METTL9: variants seen among roughly 807,000 people sequenced by gnomAD.
The protein encoded by METTL9 is protein-L-histidine N-pros-methyltransferase.
A neutral mutation model predicts 36.0 loss-of-function variants in METTL9; 10 were observed. The ratio of observed to expected loss-of-function variants is 0.28; its 90% CI spans 0.17 to 0.47. METTL9 has a LOEUF of 0.47. Among genes scored for constraint, METTL9 ranks in the 20% least tolerant of loss-of-function variants. The probability of loss-of-function intolerance (pLI) is 0.99; values close to 1 mark genes in which losing one functional copy is unlikely to be tolerated. For synonymous variants in METTL9, 175 were observed against 149.7 expected (o/e 1.17, Z -1.23); for missense variants, 246 against 383.5 (o/e 0.64, Z 3.00).
At position 21,638,925 on chromosome 16, in the gene METTL9, G is replaced by C. The variant is rs887060222; in HGVS notation, c.751+13810G>C. ...GTGTTGGCGCCTGAAATCAATGACT[G>C]TACATCCCAAACTAATCTCAAAGCT... On this transcript the variant is annotated intron_variant, in intron 4 of 4. Transcript: ENST00000358154. 4.6e-5 allele frequency among the ~76,000 whole-genome samples: 7 copies of C among 152,292 alleles called. No individual in the cohort carries two copies. The South Asian group carries it at 1.4e-3, about 32-fold the overall frequency.
At chr16:21,601,306 A>G (rs770351202) in intron 1 of METTL9, among the ~76,000 whole-genome samples, 1 of 152,230 alleles carries the variant, frequency 6.6e-6, no homozygotes, top group Non-Finnish European at 1.5e-5. Flanking sequence ...TACAGTTACC[A>G]GAATGTCACA....
At chr16:21,631,869 T>G (rs1162510505) in intron 4 of METTL9, among the ~76,000 whole-genome samples, 2 of 152,112 alleles carry the variant, frequency 1.3e-5, no homozygotes, top group Admixed American at 6.6e-5. Context: ...TTTAAAGGAA[T>G]AGGGTACACT....
chr16:21,612,006 T>A (rs1229294373), intron 1 of METTL9: 1 of 152,218 alleles, frequency 6.6e-6, no homozygotes, highest in African/African-American at 2.4e-5. Context: ...TTAATCTTTC[T>A]TGAGCACATG....
chr16:21,640,503 C>G (rs1337143557), intron 4 of METTL9: 1 of 149,828 alleles, frequency 6.7e-6, no homozygotes, highest in African/African-American at 2.5e-5. Flanking sequence ...GTAATCCCAG[C>G]ACTTTGGGAG....
At chr16:21,635,523 G>C (rs1311963584) in intron 4 of METTL9, among the ~76,000 whole-genome samples, 1 of 152,086 alleles carries the variant, frequency 6.6e-6, no homozygotes. Context: ...TTGGACATAA[G>C]GTATTTCACT....
In METTL9 at chr16:21,617,359, A is replaced by G. The variant is rs989986751; in HGVS notation, c.357-506A>G. Among the ~76,000 whole-genome samples, 36 of 151,200 alleles carry G rather than the reference A, an allele frequency of 2.4e-4. 1 individual carries two copies. The highest frequency in any genetic ancestry group is 2.2e-3 in the Admixed American group (33 of 15,094). ...CATGAACCTGGGAGGCGGAGCTTGC[A>G]GTGAGCAGAGATCGTGCCACTGCAC... On this transcript the variant is annotated intron_variant, in intron 2 of 4. Coordinates refer to ENST00000358154, the MANE Select transcript of METTL9 (RefSeq NM_016025.5).
chr16:21,650,443 G>A (rs1966539016), intron 4 of METTL9, among the ~76,000 whole-genome samples: 1 of 149,456 alleles, frequency 6.7e-6, no homozygotes, highest in African/African-American at 2.5e-5. Flanking sequence ...AGGAGGTGGA[G>A]GTTGCAGTGA....
chr16:21,620,983 A>T (rs569491744), intron 3 of METTL9, among the ~76,000 whole-genome samples: 3 of 151,864 alleles, frequency 2.0e-5, no homozygotes, highest in Admixed American at 1.3e-4. Flanking sequence ...ATATATATAT[A>T]TTTTTAGAGA....
At chr16:21,615,843 T>G (rs1037385851) in intron 2 of METTL9, among the ~76,000 whole-genome samples, 1 of 152,208 alleles carries the variant, frequency 6.6e-6, no homozygotes, top group African/African-American at 2.4e-5. Flanking sequence ...GCTTATTTTC[T>G]TACTGTAATA....
intron 4 of METTL9, 66 bp downstream of exon 4, chr16:21,625,181 G>A (rs924980940): frequency 5.2e-6 from 8 of 1,549,448 alleles, no homozygotes; most frequent in East Asian, 2.2e-5. Flanking sequence ...GTGATTTTGT[G>A]CTGTGTACAA....
rs921547245 is a variant in METTL9, at chr16:21,656,326, G to C, written c.*894G>C. 8 of 152,168 alleles carry C rather than the reference G, an allele frequency of 5.3e-5. No homozygotes were observed. The highest frequency in any genetic ancestry group is 2.6e-4 in the Admixed American group (4 of 15,290). The allele number at this position is 152,168 out of a possible 1,614,324, so 9.4% of individuals were successfully genotyped here. A position where few individuals can be genotyped will look rare whatever the true frequency, so the allele number is the denominator to read the frequency against. Reference sequence around the variant, plus strand: ...ATTGAAACATTCAGTTTTGTCTACTGACAAAATGCAACTAAAAATGTTTTA... The same window carrying C: ...ATTGAAACATTCAGTTTTGTCTACTCACAAAATGCAACTAAAAATGTTTTA... On this transcript the variant is annotated 3_prime_UTR_variant, in exon 5 of 5. Transcript: ENST00000358154.
intron 4 of METTL9, among the ~76,000 whole-genome samples, chr16:21,630,003 C>A (rs908698388): frequency 6.6e-6 from 1 of 152,082 alleles, no homozygotes; most frequent in Non-Finnish European, 1.5e-5. Context: ...CTGACTGGTG[C>A]GTTTACAAAC....
upstream of METTL9, among the ~76,000 whole-genome samples, chr16:21,599,146 A>C (rs949994812): frequency 1.1e-4 from 17 of 152,222 alleles, no homozygotes; most frequent in Admixed American, 2.6e-4. The surrounding 1 kb of genome is among the most constrained non-coding windows in gnomAD (Gnocchi z 4.4). Flanking sequence ...CCCGGGGTTA[A>C]CTGCACGACC....
chr16:21,612,673 GCGAATCACTC>G lies in METTL9; in HGVS notation c.196_205del (p.Glu66ArgfsTer17). ...TATGTGTGCAACAGAGAGAAATTAT[GCGAATCACTC>G]CAGGCTGTCTTTGTTCAGAGTTACC... On this transcript the variant is annotated frameshift_variant, in exon 2 of 5. Transcript: ENST00000358154. LOFTEE classifies it high-confidence loss of function. 1 of 1,558,280 alleles carries G rather than the reference GCGAATCACTC, an allele frequency of 6.4e-7. No homozygotes were observed. Among genetic ancestry groups the G allele is most frequent in the Non-Finnish European group, 8.6e-7 (1 of 1,157,804 alleles).
chr16:21,643,567 A>G lies in METTL9; in HGVS notation c.752-11660A>G, dbSNP rs758355887. 6.2e-7 allele frequency: 1 copy of G among 1,606,898 alleles called. No homozygotes were observed. The highest frequency in any genetic ancestry group is 1.3e-5 in the African/African-American group (1 of 74,726). The stretch of plus-strand genomic sequence containing the variant: ...CTGTACCTTTTGTGAGTCTTCTTTT[A>G]TTTCTTTGTTTCTTAGAGGGTTGGA... On this transcript the variant is annotated intron_variant, in intron 4 of 4. Coordinates refer to ENST00000358154, the MANE Select transcript of METTL9 (RefSeq NM_016025.5).
At chr16:21,640,595 A>G (rs8050882) in intron 4 of METTL9, 1 of 122,974 alleles carries the variant, frequency 8.1e-6, no homozygotes, top group South Asian at 2.3e-4. Flanking sequence ...TACTAAAAAT[A>G]CAAAAAAAAA....
chr16:21,635,207 C>T (rs751049018), intron 4 of METTL9, among the ~76,000 whole-genome samples: 5 of 152,098 alleles, frequency 3.3e-5, no homozygotes, highest in Non-Finnish European at 5.9e-5. Flanking sequence ...CCCAGGTCTG[C>T]CTTGATCTGC....
Position 21,599,671 on chromosome 16 carries a change from G to C in METTL9, c.-63G>C. 8 of 1,368,666 alleles carry C rather than the reference G, an allele frequency of 5.8e-6. No individual in the cohort carries two copies. The highest frequency in any genetic ancestry group is 7.5e-6 in the Non-Finnish European group (8 of 1,069,722). The allele number at this position is 1,368,666 out of a possible 1,614,324, so 84.8% of individuals were successfully genotyped here. On this transcript the variant is annotated 5_prime_UTR_variant, in exon 1 of 5. Transcript: ENST00000358154. The surrounding 1 kb of genome is among the most constrained non-coding windows in gnomAD (Gnocchi z 4.4). ...GCGGTGGCGGCGGTGGCCGGAGGCG[G>C]CGGTGCCTCCTCCTCCTCGCCCCGG...
chr16:21,652,735 G>T, intron 4 of METTL9: 1 of 615,330 alleles, frequency 1.6e-6, no homozygotes. Context: ...AATTGTGCAA[G>T]GATGGCTTCA....
Sources: gnomAD v4.1 joint callset for allele counts (sites outside exome capture counted in the v4.1 genomes callset) on GRCh38, gnomAD v4.1.1 for gene constraint, Gnocchi (gnomAD v3.1) non-coding constraint, MANE v1.5 for transcripts, NCBI Gene and HGNC (gene_info 2026-07-23, HGNC 2026-07-21) for gene names.